HIVEP3: variants seen among roughly 807,000 people sequenced by gnomAD.
HIVEP3 encodes HIVEP zinc finger 3.
A neutral mutation model predicts 152.8 loss-of-function variants in HIVEP3; 49 were observed. That is an observed-to-expected ratio of 0.32 (90% CI 0.26 to 0.41). The LOEUF (loss-of-function observed/expected upper bound fraction) is 0.41, where lower values mean the gene tolerates loss of function less well. HIVEP3 is among the 10% of genes least tolerant of loss of function. The pLI is 1.00. For synonymous variants in HIVEP3, 1,269 were observed against 1,289.0 expected (o/e 0.98, Z 0.33); for missense variants, 2,790 against 3,103.3 (o/e 0.90, Z 2.40).
At chr1:41,796,235 AT>A (rs1244714716) in intron 1 of HIVEP3, among the ~76,000 whole-genome samples, 4 of 152,220 alleles carry the variant, frequency 2.6e-5, no homozygotes, top group Non-Finnish European at 4.4e-5. Context: ...TGGAATCTCC[AT>A]TTCCCACCCA....
intron 1 of HIVEP3, among the ~76,000 whole-genome samples, chr1:41,830,493 A>G (rs1249985590): frequency 6.6e-6 from 1 of 152,140 alleles, no homozygotes; most frequent in Non-Finnish European, 1.5e-5. Flanking sequence ...GCTGCTGGGA[A>G]TGTTGTCTGC....
At chr1:41,613,454 T>G (rs886294718) in intron 3 of HIVEP3, among the ~76,000 whole-genome samples, 3 of 152,228 alleles carry the variant, frequency 2.0e-5, no homozygotes, top group Admixed American at 6.5e-5. Context: ...ACCTTCATGT[T>G]CTCTGTGCCT....
chr1:42,033,418 G>A (rs1645624411), intron 1 of HIVEP3, among the ~76,000 whole-genome samples: 1 of 152,092 alleles, frequency 6.6e-6, no homozygotes, highest in Admixed American at 6.5e-5. Flanking sequence ...GCACTCCCAT[G>A]GGTAGCCACT....
chr1:41,802,347 T>C (rs1010231190), intron 1 of HIVEP3, among the ~76,000 whole-genome samples: 13 of 151,930 alleles, frequency 8.6e-5, no homozygotes, highest in African/African-American at 1.5e-4. Flanking sequence ...TCCCGAGTAG[T>C]TGGGGCCACA....
intron 5 of HIVEP3, among the ~76,000 whole-genome samples, chr1:41,561,336 C>T (rs957369242): frequency 7.9e-5 from 12 of 152,188 alleles, no homozygotes; most frequent in African/African-American, 1.2e-4. Context: ...AAGGGTCACA[C>T]AAAGTCTCCA....
intron 1 of HIVEP3, among the ~76,000 whole-genome samples, chr1:41,765,530 G>C (rs1029160578): frequency 5.3e-5 from 8 of 152,120 alleles, no homozygotes; most frequent in African/African-American, 1.7e-4. Flanking sequence ...AGAATAGGAT[G>C]GTTCACCATA....
intron 3 of HIVEP3, among the ~76,000 whole-genome samples, chr1:41,616,915 C>T: frequency 6.6e-6 from 1 of 152,186 alleles, no homozygotes. Flanking sequence ...GTTACTGCTC[C>T]TAACAAGCTT....
chr1:41,582,489 G>C lies in HIVEP3; in HGVS notation c.2309C>G (p.Pro770Arg), dbSNP rs149517891. The C allele has an allele frequency of 8.1e-6, 13 of 1,612,996 alleles. No individual in the cohort carries two copies. The highest frequency in any genetic ancestry group is 4.0e-5 in the African/African-American group (3 of 74,904). ...PSKSVPSLEG[P>R]TGFQPRTPKP... ...GGGAGTCCTTGGCTGGAAGCCCGTGGGTCCCTCCAAGGAGGGCACTGATTT... is the reference window on the plus strand; with the variant it reads ...GGGAGTCCTTGGCTGGAAGCCCGTGCGTCCCTCCAAGGAGGGCACTGATTT... Residue 770 changes from proline to arginine, a missense_variant, in exon 4 of 9, where the codon CCC becomes CGC. Physicochemically the swap from Pro to Arg is moderately radical, Grantham distance 103. This residue lies in a region of HIVEP3 where 339 missense variants were observed against 327.0 expected (regional missense o/e 1.04). Transcript: ENST00000372583. This position sits in a 1 kb window ranked among gnomAD's most constrained non-coding sequence, Gnocchi z 4.7.
At chr1:42,025,426 C>T (rs368797859) in intron 1 of HIVEP3, among the ~76,000 whole-genome samples, 16 of 152,294 alleles carry the variant, frequency 1.1e-4, no homozygotes, top group African/African-American at 3.8e-4. Context: ...TATAAGGGTA[C>T]TTTTATTTCT....
intron 1 of HIVEP3, among the ~76,000 whole-genome samples, chr1:41,738,235 G>T (rs1466763995): frequency 3.3e-5 from 5 of 152,104 alleles, no homozygotes; most frequent in African/African-American, 1.2e-4. Flanking sequence ...CAAGCAGCTG[G>T]GTCTCACAAA....
At chr1:41,753,424 T>C (rs1647196790) in intron 1 of HIVEP3, among the ~76,000 whole-genome samples, 1 of 152,092 alleles carries the variant, frequency 6.6e-6, no homozygotes, top group South Asian at 2.1e-4. Flanking sequence ...ACTTTGGACT[T>C]TGGGAGGCCG....
chr1:41,669,015 T>C (rs913257365), intron 2 of HIVEP3, among the ~76,000 whole-genome samples: 3 of 152,126 alleles, frequency 2.0e-5, no homozygotes, highest in African/African-American at 7.2e-5. Flanking sequence ...GAAGCTTCCA[T>C]GATCCCTCAG....
chr1:41,715,678 C>T (rs1278158276), intron 1 of HIVEP3, among the ~76,000 whole-genome samples: 3 of 152,212 alleles, frequency 2.0e-5, no homozygotes, highest in Non-Finnish European at 4.4e-5. Flanking sequence ...GGCTTTGCTG[C>T]ATGCTACCAT....
intron 1 of HIVEP3, among the ~76,000 whole-genome samples, chr1:41,789,116 A>T (rs897031113): frequency 1.3e-5 from 2 of 152,204 alleles, no homozygotes; most frequent in African/African-American, 4.8e-5. Context: ...GACCAAGGTC[A>T]TGGCTGGTCT....
chr1:41,544,944 A>ACCATCT (rs1450777092), intron 5 of HIVEP3, among the ~76,000 whole-genome samples: 1 of 11,544 alleles, frequency 8.7e-5, no homozygotes. Flanking sequence ...CACCACCACC[A>ACCATCT]CTACCACCTC....
Position 41,837,134 on chromosome 1 carries a change from T to C in HIVEP3, c.-801+81279A>G, listed in dbSNP as rs75669142. 7.2e-5 allele frequency among the ~76,000 whole-genome samples: 11 copies of C among 152,288 alleles called. No homozygotes were observed. The East Asian group carries it at 2.1e-3, about 29-fold the overall frequency. On this transcript the variant is annotated intron_variant, in intron 1 of 8. Coordinates refer to ENST00000372583, the MANE Select transcript of HIVEP3 (RefSeq NM_024503.5). The stretch of plus-strand genomic sequence containing the variant: ...TGTTCCTCCAACACAACAAGCTTAT[T>C]CCTGTCTCAGGAAATTTGCACCTGC...
intron 5 of HIVEP3, among the ~76,000 whole-genome samples, chr1:41,560,294 G>C (rs889236718): frequency 6.6e-6 from 1 of 152,136 alleles, no homozygotes; most frequent in African/African-American, 2.4e-5. Flanking sequence ...GAGGCGCAGG[G>C]CCAGGATTTG....
At chr1:41,931,806 T>C (rs1056549370) in intron 1 of HIVEP3, among the ~76,000 whole-genome samples, 1 of 152,034 alleles carries the variant, frequency 6.6e-6, no homozygotes. Context: ...TGACTTTGTA[T>C]CTTGCAACCT....
intron 3 of HIVEP3, among the ~76,000 whole-genome samples, chr1:41,594,522 G>A (rs556676536): frequency 3.3e-5 from 5 of 152,254 alleles, no homozygotes; most frequent in African/African-American, 9.6e-5. Context: ...CCGCCTGGCC[G>A]ATATCTTATG....
Sources: gnomAD v4.1 joint callset for allele counts (sites outside exome capture counted in the v4.1 genomes callset) on GRCh38, gnomAD v4.1.1 for gene constraint, gnomAD v4.1.1 regional missense constraint, Gnocchi (gnomAD v3.1) non-coding constraint, MANE v1.5 for transcripts, NCBI Gene and HGNC (gene_info 2026-07-23, HGNC 2026-07-21) for gene names.